PADI1: variants seen among roughly 807,000 people sequenced by gnomAD.
PADI1 encodes peptidyl arginine deiminase 1, also known as protein-arginine deiminase type-1.
Under a neutral mutation model 74.8 loss-of-function variants are expected in PADI1, and 65 were observed. The ratio of observed to expected loss-of-function variants is 0.87; its 90% CI spans 0.71 to 1.07. The LOEUF (loss-of-function observed/expected upper bound fraction) is 1.07, where lower values mean the gene tolerates loss of function less well. Among genes scored for constraint, PADI1 ranks in the 50% least tolerant of loss-of-function variants. PADI1 has a pLI of 0.00. For synonymous variants in PADI1, 371 were observed against 336.2 expected (o/e 1.10, Z -1.13); for missense variants, 943 against 854.0 (o/e 1.10, Z -1.30).
intron 8 of PADI1, among the ~76,000 whole-genome samples, chr1:17,229,789 C>T (rs1278297483): frequency 6.6e-6 from 1 of 152,160 alleles, no homozygotes; most frequent in African/African-American, 2.4e-5. Flanking sequence ...CTATTTTAAC[C>T]CAAAAGATTC....
chr1:17,212,078 G>A (rs1212135264), intron 1 of PADI1, among the ~76,000 whole-genome samples: 1 of 152,194 alleles, frequency 6.6e-6, no homozygotes, highest in East Asian at 1.9e-4. Context: ...GAAGCTGCTG[G>A]CCTTTAGCTG....
rs191560496 is a variant in PADI1 at position 17,227,522 on chromosome 1, C to A, written c.653-1103C>A. ...CTCCAGCCTGGGAGACAGAGTGAGACCCTGTCTCAAATAAATAAATAAATA... is the reference window on the plus strand; with the variant it reads ...CTCCAGCCTGGGAGACAGAGTGAGAACCTGTCTCAAATAAATAAATAAATA... On this transcript the variant is annotated intron_variant, in intron 6 of 15. Transcript: ENST00000375471. 9.2e-4 allele frequency among the ~76,000 whole-genome samples: 137 copies of A among 148,940 alleles called. 1 individual carries two copies. In the East Asian group the frequency reaches 0.021, roughly 23 times the overall value.
intron 1 of PADI1, among the ~76,000 whole-genome samples, chr1:17,217,782 T>C (rs2072019437): frequency 6.6e-6 from 1 of 152,160 alleles, no homozygotes; most frequent in South Asian, 2.1e-4. Context: ...ACCACAGACA[T>C]TGGTCAAGGC....
At chr1:17,210,361 C>T (rs2071802440) in intron 1 of PADI1, among the ~76,000 whole-genome samples, 1 of 151,976 alleles carries the variant, frequency 6.6e-6, no homozygotes, top group Admixed American at 6.6e-5. Context: ...CCACAATCCA[C>T]AGAATGCGGA....
chr1:17,222,368 A>G lies in PADI1; in HGVS notation c.171A>G (p.Thr57=). The G allele has an allele frequency of 6.2e-7, 1 of 1,614,072 alleles. No homozygotes were observed. Among genetic ancestry groups the G allele is most frequent in the Non-Finnish European group, 8.5e-7 (1 of 1,179,938 alleles). The part of the protein sequence containing the change: ...GVEVFMVYNR[T]RVKEPIGKAR... ...AGGTCTTCATGGTCTACAACCGCAC[A>G]CGTGTGAAAGAGCCCATAGGCAAGG... is the stretch of plus-strand genomic sequence containing the variant. The change falls in exon 2 of 16, where the codon ACA becomes ACG. Residue 57 remains threonine, a synonymous_variant. Transcript: ENST00000375471.
Position 17,237,301 on chromosome 1 carries a change from C to T in PADI1, c.1314-13C>T, listed in dbSNP as rs779841633. ...GGCACAAGGTGACTGCCCGCCCTCT[C>T]CCTCCTGGCCAGGTCCGGTGGGCGG... is the stretch of plus-strand genomic sequence containing the variant. On this transcript the variant is annotated splice_polypyrimidine_tract_variant and intron_variant, in intron 11 of 15. Coordinates refer to ENST00000375471, the MANE Select transcript of PADI1 (RefSeq NM_013358.3). The T allele has an allele frequency of 3.1e-6, 5 of 1,595,560 alleles. No homozygotes were observed. In the South Asian group the frequency reaches 3.4e-5, roughly 11 times the overall value.
rs1056512820 is a variant in PADI1 at position 17,245,470 on chromosome 1, A to C, written c.*1227A>C. On this transcript the variant is annotated 3_prime_UTR_variant, in exon 16 of 16. Coordinates refer to ENST00000375471, the MANE Select transcript of PADI1 (RefSeq NM_013358.3). This position sits in a 1 kb window ranked among gnomAD's most constrained non-coding sequence, Gnocchi z 4.1. ...GGGCTGCAGGGCACGGGCAGGAGGA[A>C]GCCAGCCTACCCTCTTCCCCCACTG... The C allele has an allele frequency of 1.3e-5, 2 of 152,488 alleles. No individual in the cohort carries two copies. Among genetic ancestry groups the C allele is most frequent in the African/African-American group, 4.8e-5 (2 of 41,432 alleles). 9.4% of individuals were successfully genotyped at this position (152,488 alleles called of 1,614,324 possible).
rs1433439212 is a variant in PADI1 at position 17,240,639 on chromosome 1, G to A, written c.1637G>A (p.Cys546Tyr). ...CCCAGCTGCCTCCTTCCCCAGAAATGCATTGACTGGAACCGTAATGTGCTG... is the reference window on the plus strand; with the variant it reads ...CCCAGCTGCCTCCTTCCCCAGAAATACATTGACTGGAACCGTAATGTGCTG... ...LQRDNLHAQK[C>Y]IDWNRNVLKR... Residue 546 changes from cysteine to tyrosine, a missense_variant, in exon 15 of 16, where the codon TGC becomes TAC. Cys to Tyr is a radical substitution (Grantham distance 194, BLOSUM62 -2). Coordinates refer to ENST00000375471, the MANE Select transcript of PADI1 (RefSeq NM_013358.3). The A allele has an allele frequency of 2.5e-6, 4 of 1,613,950 alleles. No homozygotes were observed. Among genetic ancestry groups the A allele is most frequent in the Non-Finnish European group, 2.5e-6 (3 of 1,179,842 alleles).
chr1:17,230,511 A>C, intron 9 of PADI1, 61 bp from the exon 10 acceptor site: 2 of 1,196,392 alleles, frequency 1.7e-6, no homozygotes, highest in Non-Finnish European at 2.4e-6. Context: ...GGTGGGGACC[A>C]CCCTGTTCTG....
chr1:17,209,124 G>A (rs567325640), intron 1 of PADI1, among the ~76,000 whole-genome samples: 12 of 152,338 alleles, frequency 7.9e-5, no homozygotes, highest in African/African-American at 2.2e-4. Context: ...TGTGGTATGT[G>A]TAATGTGTAC....
intron 1 of PADI1, among the ~76,000 whole-genome samples, chr1:17,216,869 CAAAAAAT>C (rs1481607483): frequency 1.3e-5 from 2 of 151,668 alleles, no homozygotes; most frequent in Admixed American, 6.6e-5. Flanking sequence ...GACGTTGTCT[CAAAAAAT>C]AAAAAATAAA....
In PADI1 at chr1:17,240,744, C is replaced by T; in HGVS notation, c.1742C>T (p.Ala581Val). 1 of 1,613,956 alleles carries T rather than the reference C, an allele frequency of 6.2e-7. No homozygotes were observed. The highest frequency in any genetic ancestry group is 1.1e-5 in the South Asian group (1 of 91,058). Residue 581 changes from alanine (A) to valine (V), a missense_variant, in exon 15 of 16, where the codon GCC (alanine) becomes GTC (valine). Ala to Val is a moderately conservative substitution (Grantham distance 64). Coordinates refer to ENST00000375471, the MANE Select transcript of PADI1 (RefSeq NM_013358.3). ...TTCCTGAAAAACTTCTACGCGGAAG[C>T]CTTCTTCCCAGACATGGTGAGAGCC... ...LFFLKNFYAE[A>V]FFPDMVNMVV...
At chr1:17,238,918 A>G (rs1459272418) in intron 13 of PADI1, among the ~76,000 whole-genome samples, 1 of 152,188 alleles carries the variant, frequency 6.6e-6, no homozygotes, top group Non-Finnish European at 1.5e-5. Flanking sequence ...TGAGTGCCCC[A>G]GGTGCCGGTC....
intron 1 of PADI1, among the ~76,000 whole-genome samples, chr1:17,211,709 T>A (rs2071838010): frequency 6.6e-6 from 1 of 152,130 alleles, no homozygotes. Flanking sequence ...GCTGGGTAAG[T>A]GAGGGGTGAA....
chr1:17,244,686 G>A lies in PADI1; in HGVS notation c.*443G>A. Reference sequence around the variant, plus strand: ...CAGGCACCAGGCTGCCTCTGCTCTTGGAAAACTAGGAAAGGGGATCAGAAA... The same window carrying A: ...CAGGCACCAGGCTGCCTCTGCTCTTAGAAAACTAGGAAAGGGGATCAGAAA... On this transcript the variant is annotated 3_prime_UTR_variant, in exon 16 of 16. Transcript: ENST00000375471. The A allele has an allele frequency of 2.9e-6, 1 of 350,638 alleles. No homozygotes were observed. The highest frequency in any genetic ancestry group is 5.6e-6 in the Non-Finnish European group (1 of 177,608). The allele number at this position is 350,638 out of a possible 1,614,324, so 21.7% of individuals were successfully genotyped here.
At chr1:17,205,432 A>G in intron 1 of PADI1, 123 bp downstream of exon 1, 1 of 769,944 alleles carries the variant, frequency 1.3e-6, no homozygotes, top group Non-Finnish European at 2.2e-6. Flanking sequence ...ATAGCAGAGA[A>G]GGTGGAGTTG....
At chr1:17,239,317 G>A (rs2072723285) in intron 13 of PADI1, among the ~76,000 whole-genome samples, 1 of 152,202 alleles carries the variant, frequency 6.6e-6, no homozygotes, top group Non-Finnish European at 1.5e-5. Flanking sequence ...TATCAAGGGT[G>A]TGTTCTGAAC....
intron 6 of PADI1, among the ~76,000 whole-genome samples, chr1:17,228,293 C>T (rs936030272): frequency 4.6e-5 from 7 of 152,138 alleles, no homozygotes; most frequent in African/African-American, 7.2e-5. Flanking sequence ...TTACTTTTTA[C>T]GAATTAATAA....
In PADI1 at chr1:17,228,093, C is replaced by T. The variant is rs140129029; in HGVS notation, c.653-532C>T. ...GCAGCCTTGAACTCCCGGGCTCAAG[C>T]GATACTCCCACCTCAGCCTCCCGAG... On this transcript the variant is annotated intron_variant, in intron 6 of 15. Coordinates refer to ENST00000375471, the MANE Select transcript of PADI1 (RefSeq NM_013358.3). 4.6e-5 allele frequency among the ~76,000 whole-genome samples: 7 copies of T among 152,214 alleles called. No individual in the cohort carries two copies. In the East Asian group the frequency reaches 7.8e-4, roughly 17 times the overall value.
Sources: allele counts gnomAD v4.1 joint callset (sites outside exome capture counted in the v4.1 genomes callset), GRCh38; gene constraint gnomAD v4.1.1; non-coding constraint Gnocchi (gnomAD v3.1); transcripts MANE v1.5; gene names NCBI Gene and HGNC (gene_info 2026-07-23, HGNC 2026-07-21).